Variants in KCNQ1OT1 observed in about 807,000 individuals in gnomAD.
KCNQ1OT1 encodes KCNQ1 opposite strand/antisense transcript 1, also known as KCNQ1 antisense RNA 2 (non-protein coding).
rs561673465 is a variant in KCNQ1OT1 at position 2,663,586 on chromosome 11, C to T, written n.36409G>A. On this transcript the variant is annotated non_coding_transcript_exon_variant, in exon 1 of 1. Transcript: ENST00000597346. This position sits in a 1 kb window ranked among gnomAD's most constrained non-coding sequence, Gnocchi z 5.2. Reference sequence around the variant, plus strand: ...GCTGCTTGCTTCTCCTGTTGGAGCTCTCGCTCACCTTGGTTCTCTTGGTCA... The same window carrying T: ...GCTGCTTGCTTCTCCTGTTGGAGCTTTCGCTCACCTTGGTTCTCTTGGTCA... 1.1e-3 allele frequency: 452 copies of T among 398,650 alleles called. 1 individual carries two copies. Among genetic ancestry groups the T allele is most frequent in the Non-Finnish European group, 1.8e-3 (407 of 226,116 alleles). The allele number at this position is 398,650 out of a possible 1,614,324, so 24.7% of individuals were successfully genotyped here.
chr11:2,619,159 T>C (rs1316554106), exon 1 of KCNQ1OT1: 2 of 398,422 alleles, frequency 5.0e-6, no homozygotes, highest in South Asian at 1.3e-4. Flanking sequence ...GATTTGAATG[T>C]CTTTCATTTC....
chr11:2,610,944 T>A (rs72850206), exon 1 of KCNQ1OT1: 26,551 of 398,370 alleles, frequency 0.067, 1,030 homozygotes, highest in South Asian at 0.12. Context: ...GAATAATTGA[T>A]AGAACAACAA....
At chr11:2,639,176 G>A (rs778177418) in exon 1 of KCNQ1OT1, 4 of 152,100 alleles carry the variant, frequency 2.6e-5, no homozygotes, top group Non-Finnish European at 4.4e-5. Context: ...CCTTTAGCTC[G>A]GAGAAGTTTG....
At chr11:2,660,712 G>A (rs1034428089) in exon 1 of KCNQ1OT1, 20 of 398,424 alleles carry the variant, frequency 5.0e-5, no homozygotes, top group Admixed American at 8.8e-5. Context: ...ACCTTCATTC[G>A]GGCTTCATTC....
exon 1 of KCNQ1OT1, chr11:2,699,365 G>A: frequency 5.0e-6 from 2 of 399,390 alleles, no homozygotes; most frequent in Admixed American, 4.4e-5. Flanking sequence ...CGCGCCGTCC[G>A]CCCAGGTCCG....
exon 1 of KCNQ1OT1, chr11:2,688,916 C>T (rs992164464): frequency 1.3e-5 from 5 of 398,822 alleles, no homozygotes; most frequent in Admixed American, 4.4e-5. Context: ...GGCCACCCCA[C>T]ACAGGCCTGT....
Position 2,642,134 on chromosome 11 carries a change from ATTT to A in KCNQ1OT1, n.57858_57860del, listed in dbSNP as rs1849590048. On this transcript the variant is annotated non_coding_transcript_exon_variant, in exon 1 of 1. Coordinates refer to ENST00000597346, the Ensembl canonical transcript of KCNQ1OT1. This position sits in a 1 kb window ranked among gnomAD's most constrained non-coding sequence, Gnocchi z 4.3. ...TTTTTGGTTCCATCTGAATTTTAGGATTTTTTCTATTTCCATGAAAAATGGCAT... is the reference window on the plus strand; with the variant it reads ...TTTTTGGTTCCATCTGAATTTTAGGATTTCTATTTCCATGAAAAATGGCAT... 5.0e-6 allele frequency: 2 copies of A among 398,020 alleles called. No individual in the cohort carries two copies. The highest frequency in any genetic ancestry group is 8.9e-6 in the Non-Finnish European group (2 of 225,866). 24.7% of individuals were successfully genotyped at this position (398,020 alleles called of 1,614,324 possible).
At chr11:2,616,956 T>G (rs1849075292) in exon 1 of KCNQ1OT1, 1 of 356,810 alleles carries the variant, frequency 2.8e-6, no homozygotes, top group East Asian at 4.0e-5. Flanking sequence ...GTACATTATC[T>G]TGTTGTGTTT....
exon 1 of KCNQ1OT1, chr11:2,631,979 G>A (rs1485762998): frequency 1.8e-5 from 7 of 395,994 alleles, no homozygotes; most frequent in East Asian, 3.6e-5. Context: ...TCAGGAGATC[G>A]AGACCATCCT....
exon 1 of KCNQ1OT1, chr11:2,689,577 A>G (rs1350490899): frequency 2.5e-6 from 1 of 398,564 alleles, no homozygotes; most frequent in Non-Finnish European, 4.4e-6. Context: ...GAAATCTGTT[A>G]GCAGTGGTGT....
exon 1 of KCNQ1OT1, chr11:2,641,575 A>G (rs1029383759): frequency 2.5e-6 from 1 of 398,482 alleles, no homozygotes; most frequent in South Asian, 1.3e-4. Context: ...ATTTTCTCCC[A>G]TTCAACAGGC....
exon 1 of KCNQ1OT1, chr11:2,688,666 G>A (rs945074791): frequency 2.0e-5 from 8 of 398,698 alleles, no homozygotes; most frequent in East Asian, 1.1e-4. Flanking sequence ...TGCCTGCTTC[G>A]TTCATTTCCA....
exon 1 of KCNQ1OT1, chr11:2,689,286 C>T (rs149272499): frequency 2.5e-6 from 1 of 398,676 alleles, no homozygotes; most frequent in African/African-American, 2.1e-5. Context: ...CAGATATCTC[C>T]CACTCCAACC....
At chr11:2,633,726 G>T (rs922048771) in exon 1 of KCNQ1OT1, 50 of 398,258 alleles carry the variant, frequency 1.3e-4, no homozygotes, top group Non-Finnish European at 2.7e-5. Context: ...TGGTCTATAT[G>T]TCTGTTTTAT....
chr11:2,629,490 T>C (rs76497132), exon 1 of KCNQ1OT1: 28,386 of 398,394 alleles, frequency 0.071, 1,145 homozygotes, highest in Middle Eastern at 0.11. Context: ...GTGGTCCACT[T>C]TGAGTTAATT....
chr11:2,671,497 T>G lies in KCNQ1OT1; in HGVS notation n.28498A>C. 3 of 398,560 alleles carry G rather than the reference T, an allele frequency of 7.5e-6. No individual in the cohort carries two copies. The highest frequency in any genetic ancestry group is 1.3e-5 in the Non-Finnish European group (3 of 226,060). The allele number at this position is 398,560 out of a possible 1,614,324, so 24.7% of individuals were successfully genotyped here. On this transcript the variant is annotated non_coding_transcript_exon_variant, in exon 1 of 1. Coordinates refer to ENST00000597346, the Ensembl canonical transcript of KCNQ1OT1. This position sits in a 1 kb window ranked among gnomAD's most constrained non-coding sequence, Gnocchi z 4.7. ...ACAAAGATCTGAGAAAGGGATTATT[T>G]TTAGGGCCAATTCAAGGGATTTTTC... is the stretch of plus-strand genomic sequence containing the variant.
chr11:2,673,716 C>T lies in KCNQ1OT1; in HGVS notation n.26279G>A, dbSNP rs1236074952. The T allele has an allele frequency of 2.5e-6, 1 of 398,574 alleles. No individual in the cohort carries two copies. The allele number at this position is 398,574 out of a possible 1,614,324, so 24.7% of individuals were successfully genotyped here. A position where few individuals can be genotyped will look rare whatever the true frequency, so the allele number is the denominator to read the frequency against. Reference sequence around the variant, plus strand: ...TTCCTGAGGTTGCTGAATCTCAGGGCTTGGAAGGCCCAGACTGGACAGGGG... The same window carrying T: ...TTCCTGAGGTTGCTGAATCTCAGGGTTTGGAAGGCCCAGACTGGACAGGGG... On this transcript the variant is annotated non_coding_transcript_exon_variant, in exon 1 of 1. Transcript: ENST00000597346. This position sits in a 1 kb window ranked among gnomAD's most constrained non-coding sequence, Gnocchi z 4.5.
rs770438511 is a variant in KCNQ1OT1 at position 2,620,436 on chromosome 11, G to A, written n.79559C>T. 9.1e-5 allele frequency: 25 copies of A among 274,658 alleles called. No individual in the cohort carries two copies. The highest frequency in any genetic ancestry group is 1.6e-4 in the Admixed American group (3 of 18,782). The allele number at this position is 274,658 out of a possible 1,614,324, so 17.0% of individuals were successfully genotyped here. ...TTTCCATGTTGGTCAGGCTGGTCTC[G>A]AACTCCTGACCTCAGGTGATCCACC... On this transcript the variant is annotated non_coding_transcript_exon_variant, in exon 1 of 1. Transcript: ENST00000597346. This position sits in a 1 kb window ranked among gnomAD's most constrained non-coding sequence, Gnocchi z 4.5.
At chr11:2,693,968 G>A in exon 1 of KCNQ1OT1, 1 of 398,682 alleles carries the variant, frequency 2.5e-6, no homozygotes. Flanking sequence ...GCACTAACTG[G>A]AGAAGGTGAG....
Sources: gnomAD v4.1 joint callset for allele counts on GRCh38, gnomAD v4.1.1 for gene constraint, Gnocchi (gnomAD v3.1) non-coding constraint, MANE v1.5 for transcripts, NCBI Gene and HGNC (gene_info 2026-07-23, HGNC 2026-07-21) for gene names.